The following ADAMTSL1 variants were observed in gnomAD, a reference collection of about 807,000 sequenced individuals.
ADAMTSL1 encodes the protein ADAMTS like 1.
ADAMTSL1 carries 126 observed loss-of-function variants against 201.8 expected under a neutral mutation model. The observed-to-expected ratio is 0.62, with a 90% confidence interval of 0.54 to 0.72. ADAMTSL1 has a LOEUF of 0.72. Ranked by LOEUF, ADAMTSL1 falls within the 30% of genes least tolerant of loss-of-function variation. The pLI, the probability that ADAMTSL1 is intolerant of heterozygous loss-of-function variation, is 0.00. For missense variants in ADAMTSL1, 2,679 were observed against 2,277.8 expected (o/e 1.18, Z -3.59); for synonymous variants, 1,121 against 903.4 (o/e 1.24, Z -4.32).
chr9:17,927,824 C>T (rs1826615279), intron 1 of ADAMTSL1, among the ~76,000 whole-genome samples: 1 of 151,860 alleles, frequency 6.6e-6, no homozygotes, highest in African/African-American at 2.4e-5. Flanking sequence ...GGAGTGAATC[C>T]CCCATGGATA....
At chr9:18,253,764 G>C (rs1011927964) in intron 2 of ADAMTSL1, among the ~76,000 whole-genome samples, 4 of 152,154 alleles carry the variant, frequency 2.6e-5, no homozygotes, top group Admixed American at 2.0e-4. Flanking sequence ...GCTAGTAGGA[G>C]CAGCCCCATA....
chr9:18,022,569 T>C (rs1820524146), intron 1 of ADAMTSL1, among the ~76,000 whole-genome samples: 1 of 151,994 alleles, frequency 6.6e-6, no homozygotes, highest in Admixed American at 6.6e-5. Context: ...AAGAAAAGTG[T>C]GTGATTAAAG....
At chr9:18,848,628 T>C (rs541708360) in intron 23 of ADAMTSL1, among the ~76,000 whole-genome samples, 4 of 152,168 alleles carry the variant, frequency 2.6e-5, no homozygotes, top group Non-Finnish European at 4.4e-5. Context: ...ATGCAGCCTC[T>C]TGGAGCACCC....
At chr9:18,244,435 A>G (rs921563501) in intron 2 of ADAMTSL1, among the ~76,000 whole-genome samples, 17 of 152,244 alleles carry the variant, frequency 1.1e-4, no homozygotes, top group Non-Finnish European at 2.5e-4. Flanking sequence ...CCCAGAATCC[A>G]GAATTTTCAC....
At chr9:18,747,943 A>C (rs1259096317) in intron 15 of ADAMTSL1, among the ~76,000 whole-genome samples, 5 of 152,212 alleles carry the variant, frequency 3.3e-5, no homozygotes, top group Admixed American at 2.0e-4. Flanking sequence ...ATCCAGGCAC[A>C]CTTGAGGCTG....
intron 1 of ADAMTSL1, among the ~76,000 whole-genome samples, chr9:18,485,225 G>A (rs941137663): frequency 3.3e-5 from 5 of 151,992 alleles, no homozygotes; most frequent in African/African-American, 1.2e-4. Context: ...TCAACTCTCC[G>A]GTTTTCTTTT....
chr9:18,467,606 C>T (rs1021926447), intron 2 of ADAMTSL1, among the ~76,000 whole-genome samples: 4 of 151,992 alleles, frequency 2.6e-5, no homozygotes, highest in South Asian at 2.1e-4. Context: ...TAGCAGAAGG[C>T]TTTGTGGAGG....
chr9:17,983,212 A>T (rs111479695), intron 1 of ADAMTSL1, among the ~76,000 whole-genome samples: 7 of 151,758 alleles, frequency 4.6e-5, no homozygotes, highest in African/African-American at 7.3e-5. Flanking sequence ...CTGGGACTAC[A>T]GGTGGGCACC....
rs368497511 is a variant in ADAMTSL1, at chr9:18,684,800, C to T, written c.1574C>T (p.Ser525Leu). ...GGAGCTGCTGTGTCAGAGGAGCCCT[C>T]GTAAGTTGTAAAAGCACAGACTGTT... ...EEGAAVSEEPSFIPEAWSACT... is the reference protein window; with the variant it reads ...EEGAAVSEEPLFIPEAWSACT... Residue 525 changes from serine (S) to leucine (L), a missense_variant and splice_region_variant, in exon 13 of 29, where the codon TCG becomes TTG. Transcript: ENST00000380548. The T allele has an allele frequency of 2.5e-5, 40 of 1,609,200 alleles. No homozygotes were observed. Among genetic ancestry groups the T allele is most frequent in the Non-Finnish European group, 3.1e-5 (37 of 1,178,080 alleles).
intron 2 of ADAMTSL1, among the ~76,000 whole-genome samples, chr9:18,514,327 C>CTT (rs397963773): frequency 0.021 from 2,063 of 100,028 alleles, 101 homozygotes; most frequent in African/African-American, 0.047. Context: ...ATTTTTCTTT[C>CTT]TTTTTTTTTT....
At position 18,908,607 on chromosome 9, in the gene ADAMTSL1, C is replaced by A; in HGVS notation, c.*59C>A. On this transcript the variant is annotated 3_prime_UTR_variant, in exon 29 of 29. Transcript: ENST00000380548. Reference sequence around the variant, plus strand: ...ACACGAAGGACTCACGCAACCACCTCGGACAGAACCTAAGCTTTCTTCATT... The same window carrying A: ...ACACGAAGGACTCACGCAACCACCTAGGACAGAACCTAAGCTTTCTTCATT... The A allele has an allele frequency of 2.3e-6, 3 of 1,311,670 alleles. No homozygotes were observed. The highest frequency in any genetic ancestry group is 3.2e-6 in the Non-Finnish European group (3 of 941,510). The allele number at this position is 1,311,670 out of a possible 1,614,324, so 81.3% of individuals were successfully genotyped here. A position where few individuals can be genotyped will look rare whatever the true frequency, so the allele number is the denominator to read the frequency against.
intron 2 of ADAMTSL1, among the ~76,000 whole-genome samples, chr9:18,165,023 T>G (rs1441283304): frequency 6.6e-6 from 1 of 151,910 alleles, no homozygotes; most frequent in African/African-American, 2.4e-5. Flanking sequence ...TATAATACAT[T>G]TTCATATGGT....
intron 5 of ADAMTSL1, among the ~76,000 whole-genome samples, chr9:18,630,480 C>G (rs1014192130): frequency 6.6e-6 from 1 of 152,112 alleles, no homozygotes; most frequent in African/African-American, 2.4e-5. Flanking sequence ...TACTTTGTCC[C>G]AGAAATTCTA....
chr9:18,209,057 A>G (rs1829763989), intron 2 of ADAMTSL1, among the ~76,000 whole-genome samples: 1 of 152,124 alleles, frequency 6.6e-6, no homozygotes, highest in African/African-American at 2.4e-5. Context: ...ACCATTTGTA[A>G]TTTAGGTTTA....
chr9:18,874,205 G>A (rs1267217952), intron 23 of ADAMTSL1, among the ~76,000 whole-genome samples: 1 of 151,980 alleles, frequency 6.6e-6, no homozygotes, highest in Non-Finnish European at 1.5e-5. Context: ...GAGTCTTTAG[G>A]GCTTTCTAGG....
chr9:18,038,229 G>A (rs919916635), intron 1 of ADAMTSL1, among the ~76,000 whole-genome samples: 3 of 152,072 alleles, frequency 2.0e-5, no homozygotes, highest in Non-Finnish European at 4.4e-5. Flanking sequence ...GTTCATTCCC[G>A]GGTGGCTATT....
At chr9:18,340,282 G>A (rs916971880) in intron 2 of ADAMTSL1, among the ~76,000 whole-genome samples, 12 of 152,066 alleles carry the variant, frequency 7.9e-5, no homozygotes, top group Admixed American at 2.0e-4. Context: ...TCTTCTCACT[G>A]TATAGTTTTT....
At chr9:18,226,280 C>T (rs1388840492) in intron 2 of ADAMTSL1, among the ~76,000 whole-genome samples, 2 of 152,108 alleles carry the variant, frequency 1.3e-5, no homozygotes, top group African/African-American at 4.8e-5. Flanking sequence ...TCGTAGCAGA[C>T]CGTCTCTCTC....
At chr9:17,971,097 C>G (rs532721652) in intron 1 of ADAMTSL1, among the ~76,000 whole-genome samples, 1 of 152,118 alleles carries the variant, frequency 6.6e-6, no homozygotes, top group Non-Finnish European at 1.5e-5. Context: ...AAACTGATTT[C>G]TGAAAGGTGG....
Sources: gnomAD v4.1 joint callset for allele counts (sites outside exome capture counted in the v4.1 genomes callset) on GRCh38, gnomAD v4.1.1 for gene constraint, MANE v1.5 for transcripts, NCBI Gene and HGNC (gene_info 2026-07-23, HGNC 2026-07-21) for gene names.